Variants in TRPV2 observed in about 807,000 individuals in gnomAD.
TRPV2 encodes OTRPC2.
Under a neutral mutation model 91.0 loss-of-function variants are expected in TRPV2, and 58 were observed. The observed-to-expected ratio is 0.64, with a 90% CI of 0.52 to 0.79. The LOEUF is 0.79. Among genes scored for constraint, TRPV2 ranks in the 30% least tolerant of loss-of-function variants. The pLI is 0.00. For synonymous variants in TRPV2, 417 were observed against 414.8 expected (o/e 1.01, Z -0.06); for missense variants, 807 against 969.6 (o/e 0.83, Z 2.23).
intron 3 of TRPV2, 63 bp from the exon 4 acceptor site, chr17:16,422,536 G>C (rs1044051302): frequency 4.9e-5 from 76 of 1,541,476 alleles, no homozygotes; most frequent in Non-Finnish European, 3.2e-5. Flanking sequence ...AAGAGCTATC[G>C]GGCAGCCCAG....
chr17:16,418,138 A>G (rs1049053817), intron 2 of TRPV2, among the ~76,000 whole-genome samples: 1 of 152,168 alleles, frequency 6.6e-6, no homozygotes, highest in Non-Finnish European at 1.5e-5. Flanking sequence ...TAAGTCCTCA[A>G]CTGACCCTCA....
intron 1 of TRPV2, chr17:16,416,466 A>G: frequency 6.5e-6 from 1 of 153,380 alleles, no homozygotes; most frequent in Non-Finnish European, 1.5e-5. Context: ...CAAGTGATGG[A>G]GGCTGTGGTT....
At position 16,432,367 on chromosome 17, in the gene TRPV2, C is replaced by A. The variant is rs916180960; in HGVS notation, c.1989+67C>A. The A allele has an allele frequency of 3.5e-6, 5 of 1,448,136 alleles. No homozygotes were observed. In the East Asian group the frequency reaches 7.1e-5, roughly 20 times the overall value. The allele number at this position is 1,448,136 out of a possible 1,614,324, so 89.7% of individuals were successfully genotyped here. A position where few individuals can be genotyped will look rare whatever the true frequency, so the allele number is the denominator to read the frequency against. ...TCAGGCGGTGGGGAGTGCTCCGGACCCTGCGGAGCTGGGCCTTCCCTAGCC... is the reference window on the plus strand; with the variant it reads ...TCAGGCGGTGGGGAGTGCTCCGGACACTGCGGAGCTGGGCCTTCCCTAGCC... On this transcript the variant is annotated intron_variant, in intron 12 of 14. Coordinates refer to ENST00000338560, the MANE Select transcript of TRPV2 (RefSeq NM_016113.5).
chr17:16,424,219 A>G (rs191249914), intron 5 of TRPV2, among the ~76,000 whole-genome samples: 461 of 147,550 alleles, frequency 3.1e-3, no homozygotes, highest in African/African-American at 0.011. Flanking sequence ...GTGCAGTGAC[A>G]TGATCTCGGC....
At chr17:16,428,750 C>A in intron 9 of TRPV2, 67 bp from the exon 10 acceptor site, 1 of 1,594,904 alleles carries the variant, frequency 6.3e-7, no homozygotes. Context: ...CCTTGGTCAG[C>A]ATAGGCCAGT....
chr17:16,431,284 T>TAC (rs1389322625), intron 10 of TRPV2, among the ~76,000 whole-genome samples: 1 of 46,486 alleles, frequency 2.2e-5, no homozygotes, highest in Non-Finnish European at 4.6e-5. Flanking sequence ...TATATATATA[T>TAC]ATACATATTT....
rs964778930 is a variant in TRPV2 at position 16,420,107 on chromosome 17, C to A, written c.201-8C>A. On this transcript the variant is annotated splice_region_variant and splice_polypyrimidine_tract_variant and intron_variant, in intron 2 of 14. Coordinates refer to ENST00000338560, the MANE Select transcript of TRPV2 (RefSeq NM_016113.5). ...TCCAGCATGAGTCACAAACCACATC[C>A]TCCACAGTCAGCCGGATCCAAACCG... 1 of 1,611,120 alleles carries A rather than the reference C, an allele frequency of 6.2e-7. No individual in the cohort carries two copies. The highest frequency in any genetic ancestry group is 1.7e-5 in the Admixed American group (1 of 59,920).
intron 10 of TRPV2, among the ~76,000 whole-genome samples, chr17:16,429,902 T>A (rs1348288107): frequency 6.6e-6 from 1 of 151,816 alleles, no homozygotes; most frequent in East Asian, 1.9e-4. Context: ...CTCACTCTTG[T>A]TACCTAGGCT....
rs188100895 is a variant in TRPV2, at chr17:16,430,809, A to G, written c.1588-975A>G. ...CCAATTCCTTCCTTTGTAAGGCTGAATAATATCCCATTGTGTAGATACACC... is the reference window on the plus strand; with the variant it reads ...CCAATTCCTTCCTTTGTAAGGCTGAGTAATATCCCATTGTGTAGATACACC... On this transcript the variant is annotated intron_variant, in intron 10 of 14. Transcript: ENST00000338560. Among the ~76,000 whole-genome samples the G allele has an allele frequency of 2.0e-5, 3 of 152,282 alleles. No homozygotes were observed. In the East Asian group the frequency reaches 5.8e-4, roughly 29 times the overall value.
At position 16,423,549 on chromosome 17, in the gene TRPV2, G is replaced by A. The variant is rs143117492; in HGVS notation, c.706G>A (p.Ala236Thr). ...CCTCCTGGAGAACCCACACCAGCCCGCCAGCCTGCAGGCCACTGACTCCCA... is the reference window on the plus strand; with the variant it reads ...CCTCCTGGAGAACCCACACCAGCCCACCAGCCTGCAGGCCACTGACTCCCA... ...SYLLENPHQP[A>T]SLQATDSQGN... Residue 236 changes from alanine to threonine, a missense_variant, in exon 5 of 15, where the codon GCC (alanine) becomes ACC (threonine). Ala to Thr is a moderately conservative substitution (Grantham distance 58). Coordinates refer to ENST00000338560, the MANE Select transcript of TRPV2 (RefSeq NM_016113.5). 83 of 1,613,970 alleles carry A rather than the reference G, an allele frequency of 5.1e-5. No individual in the cohort carries two copies. Among genetic ancestry groups the A allele is most frequent in the East Asian group, 1.8e-4 (8 of 44,900 alleles).
chr17:16,424,527 C>G (rs903063533), intron 5 of TRPV2, among the ~76,000 whole-genome samples: 1 of 152,076 alleles, frequency 6.6e-6, no homozygotes. Context: ...AACTCCTGAC[C>G]TCAGGTGATC....
At chr17:16,431,100 G>T (rs1413672413) in intron 10 of TRPV2, among the ~76,000 whole-genome samples, 3 of 149,282 alleles carry the variant, frequency 2.0e-5, no homozygotes, top group Non-Finnish European at 4.4e-5. Context: ...CACCCAGGCT[G>T]GAGTGCGGTG....
At position 16,435,039 on chromosome 17, in the gene TRPV2, G is replaced by A; in HGVS notation, c.2194+70G>A. The A allele has an allele frequency of 2.1e-6, 3 of 1,405,182 alleles. No individual in the cohort carries two copies. The highest frequency in any genetic ancestry group is 2.9e-6 in the Non-Finnish European group (3 of 1,026,126). 87.0% of individuals were successfully genotyped at this position (1,405,182 alleles called of 1,614,324 possible). On this transcript the variant is annotated intron_variant, in intron 14 of 14. Coordinates refer to ENST00000338560, the MANE Select transcript of TRPV2 (RefSeq NM_016113.5). This position sits in a 1 kb window ranked among gnomAD's most constrained non-coding sequence, Gnocchi z 4.2. ...TCTGCTGCTTGGCCACAAAGCCTTG[G>A]AGAGTCTGGGGCAGGACCCAGAGAC...
chr17:16,434,181 A>G (rs1382094221), intron 13 of TRPV2, among the ~76,000 whole-genome samples: 1 of 152,074 alleles, frequency 6.6e-6, no homozygotes, highest in Non-Finnish European at 1.5e-5. Flanking sequence ...AAAAACAGAC[A>G]CTGTCGGCCG....
At position 16,432,213 on chromosome 17, in the gene TRPV2, C is replaced by T. The variant is rs908546574; in HGVS notation, c.1902C>T (p.Tyr634=). 2.5e-6 allele frequency: 4 copies of T among 1,614,114 alleles called. No individual in the cohort carries two copies. The highest frequency in any genetic ancestry group is 3.3e-5 in the Admixed American group (2 of 60,008). ...TGCTGGCCTACGTGCTGCTCACCTA[C>T]ATCCTGCTGCTCAACATGCTCATCG... ...LLLLAYVLLT[Y]ILLLNMLIAL... The change falls in exon 12 of 15, where the codon TAC becomes TAT. Residue 634 remains tyrosine (Y), a synonymous_variant. Coordinates refer to ENST00000338560, the MANE Select transcript of TRPV2 (RefSeq NM_016113.5).
At chr17:16,425,997 C>T in intron 5 of TRPV2, 102 bp from the exon 6 acceptor site, 4 of 1,346,998 alleles carry the variant, frequency 3.0e-6, no homozygotes, top group Middle Eastern at 1.8e-4. Context: ...TGCAGCTCTG[C>T]AGACCGTGGG....
chr17:16,427,824 G>C (rs763981516), intron 8 of TRPV2, among the ~76,000 whole-genome samples: 4 of 152,196 alleles, frequency 2.6e-5, no homozygotes, highest in Non-Finnish European at 4.4e-5. Context: ...GGAAGCGCCT[G>C]CCCCTAGCCA....
At chr17:16,428,703 CA>C (rs1298561265) in intron 9 of TRPV2, 113 bp from the exon 10 acceptor site, 1 of 1,209,504 alleles carries the variant, frequency 8.3e-7, no homozygotes, top group African/African-American at 1.5e-5. Context: ...CTGAGGCCCA[CA>C]GAGGTTAAAT....
Position 16,417,764 on chromosome 17 carries a change from T to A in TRPV2, c.96T>A (p.Phe32Leu), listed in dbSNP as rs993633471. Residue 32 changes from phenylalanine (F) to leucine (L), a missense_variant, in exon 2 of 15, where the codon TTT (phenylalanine) becomes TTA (leucine). Coordinates refer to ENST00000338560, the MANE Select transcript of TRPV2 (RefSeq NM_016113.5). The stretch of plus-strand genomic sequence containing the variant: ...AGGCGGACAGAGGAAAGCTGGATTT[T>A]GGGAGCGGGCTGCCTCCCATGGAGT... Reference protein sequence around the residue: ...GSEADRGKLDFGSGLPPMESQ... With the variant: ...GSEADRGKLDLGSGLPPMESQ... The A allele has an allele frequency of 1.9e-6, 3 of 1,614,090 alleles. No homozygotes were observed. Among genetic ancestry groups the A allele is most frequent in the African/African-American group, 2.7e-5 (2 of 74,928 alleles).
Sources: allele counts gnomAD v4.1 joint callset (sites outside exome capture counted in the v4.1 genomes callset), GRCh38; gene constraint gnomAD v4.1.1; non-coding constraint Gnocchi (gnomAD v3.1); transcripts MANE v1.5; gene names NCBI Gene and HGNC (gene_info 2026-07-23, HGNC 2026-07-21).